Variants in RNF6 observed in about 807,000 individuals in gnomAD.
The protein encoded by RNF6 is ring finger protein 6.
In RNF6, 21 loss-of-function variants were observed where a neutral mutation model predicts 50.1. The ratio of observed to expected loss-of-function variants is 0.42; its 90% CI spans 0.30 to 0.60. RNF6 has a LOEUF of 0.60. RNF6 is among the 20% of genes least tolerant of loss of function. RNF6 has a pLI of 0.20. For missense variants in RNF6, 698 were observed against 838.2 expected (o/e 0.83, Z 2.07); for synonymous variants, 255 against 291.8 (o/e 0.87, Z 1.29).
intron 5 of RNF6, among the ~76,000 whole-genome samples, chr13:26,193,844 G>A (rs1451547786): frequency 6.6e-6 from 1 of 152,208 alleles, no homozygotes; most frequent in Non-Finnish European, 1.5e-5. Context: ...CAGACAATAT[G>A]TGAGAAAAGA....
In RNF6 at chr13:26,148,632, TTATATATATATATATATATATATATA is replaced by T. The variant is rs57373126; in HGVS notation, n.769-16207_769-16182del. 1.6e-3 allele frequency among the ~76,000 whole-genome samples: 73 copies of T among 47,068 alleles called. 1 individual carries two copies. Among genetic ancestry groups the T allele is most frequent in the Admixed American group, 8.5e-3 (33 of 3,876 alleles). The allele number at this position is 47,068 out of a possible 152,430, so 30.9% of individuals were successfully genotyped here. ...AATAGAAACAATAGTATAAATCTCT[TTATATATATATATATATATATATATA>T]TATATATATATATGAGGGAGATATA... is the stretch of plus-strand genomic sequence containing the variant. On this transcript the variant is annotated intron_variant and non_coding_transcript_variant, in intron 5 of 5. Coordinates refer to the RNF6 transcript ENST00000468480.
At chr13:26,177,679 G>C (rs560634545) in intron 5 of RNF6, among the ~76,000 whole-genome samples, 5 of 152,106 alleles carry the variant, frequency 3.3e-5, no homozygotes, top group Non-Finnish European at 1.5e-5. Flanking sequence ...AGAAACCTAA[G>C]TACCACCCTT....
intron 5 of RNF6, among the ~76,000 whole-genome samples, chr13:26,169,923 G>T (rs1402913417): frequency 1.3e-5 from 2 of 152,230 alleles, no homozygotes; most frequent in African/African-American, 4.8e-5. Flanking sequence ...TAATAGTTTT[G>T]TTTAAAAAGT....
intron 5 of RNF6, among the ~76,000 whole-genome samples, chr13:26,206,130 T>C (rs1869095454): frequency 6.6e-6 from 1 of 152,210 alleles, no homozygotes; most frequent in Admixed American, 6.5e-5. Flanking sequence ...ACAGTCAGAA[T>C]AGCCACAGCC....
chr13:26,192,819 G>A (rs1200669406), intron 5 of RNF6, among the ~76,000 whole-genome samples: 1 of 152,166 alleles, frequency 6.6e-6, no homozygotes, highest in Non-Finnish European at 1.5e-5. Flanking sequence ...CCCCAGCCTT[G>A]GCTGATATCT....
rs563424699 is a variant in RNF6 at position 26,201,084 on chromosome 13, TAAAA to T, written n.768+14386_768+14389del. Among the ~76,000 whole-genome samples the T allele has an allele frequency of 3.9e-3, 597 of 152,058 alleles. 11 individuals carry two copies. The highest frequency in any genetic ancestry group is 0.035 in the Admixed American group (531 of 15,280). On this transcript the variant is annotated intron_variant and non_coding_transcript_variant, in intron 5 of 5. Coordinates refer to the RNF6 transcript ENST00000468480. ...GATAATTAATAGCATGAATAGCAAA[TAAAA>T]AACACCATGACAAGTCAAGACTGCA...
chr13:26,186,638 C>T (rs1566426098), intron 5 of RNF6, among the ~76,000 whole-genome samples: 1 of 152,272 alleles, frequency 6.6e-6, no homozygotes, highest in Admixed American at 6.5e-5. Flanking sequence ...GTCTTCTCAG[C>T]TCTCACAGGG....
intron 5 of RNF6, among the ~76,000 whole-genome samples, chr13:26,181,366 G>A (rs1266245070): frequency 2.0e-5 from 3 of 152,218 alleles, no homozygotes; most frequent in Admixed American, 6.5e-5. Context: ...TCAGGCGTCT[G>A]TCTTGTCCTT....
intron 5 of RNF6, among the ~76,000 whole-genome samples, chr13:26,196,488 T>C (rs1396474508): frequency 6.6e-6 from 1 of 151,888 alleles, no homozygotes; most frequent in Non-Finnish European, 1.5e-5. Context: ...GAGTCTCTAC[T>C]AAAAATACAA....
At chr13:26,198,198 T>C (rs1281400513) in intron 5 of RNF6, among the ~76,000 whole-genome samples, 2 of 151,508 alleles carry the variant, frequency 1.3e-5, no homozygotes, top group Admixed American at 6.6e-5. Flanking sequence ...TTGGCCCATA[T>C]GATTGTGAAG....
In RNF6 at chr13:26,137,314, T is replaced by A. The variant is rs557403432; in HGVS notation, n.769-4863A>T. ...TAGATTAACTAAAGAGCTTTTTTTT[T>A]AAAGAAAATTAGAATGAGCAGCAAC... On this transcript the variant is annotated intron_variant and non_coding_transcript_variant, in intron 5 of 5. Coordinates refer to the RNF6 transcript ENST00000468480. 1.3e-4 allele frequency among the ~76,000 whole-genome samples: 20 copies of A among 151,630 alleles called. No homozygotes were observed. In the East Asian group the frequency reaches 1.4e-3, roughly 10 times the overall value.
chr13:26,143,496 A>G (rs969000002), intron 5 of RNF6, among the ~76,000 whole-genome samples: 1 of 151,440 alleles, frequency 6.6e-6, no homozygotes, highest in African/African-American at 2.4e-5. Context: ...CTAAGACCTC[A>G]GAGCATAAGG....
upstream of RNF6, chr13:26,222,510 C>G (rs3858760): frequency 6.6e-6 from 1 of 152,248 alleles, no homozygotes; most frequent in East Asian, 1.9e-4. Context: ...CGGTGTCGCT[C>G]GTTTGCCAGC....
intron 5 of RNF6, among the ~76,000 whole-genome samples, chr13:26,132,805 G>A (rs543897602): frequency 8.5e-5 from 13 of 152,296 alleles, no homozygotes; most frequent in African/African-American, 3.1e-4. Flanking sequence ...ACTTTGAGTA[G>A]CAAGGATTTA....
At chr13:26,174,374 G>T (rs1200108442) in intron 5 of RNF6, among the ~76,000 whole-genome samples, 1 of 152,040 alleles carries the variant, frequency 6.6e-6, no homozygotes, top group Non-Finnish European at 1.5e-5. Context: ...AAATAGGCTG[G>T]GCACGGTGGC....
chr13:26,173,167 G>A (rs549972430), intron 5 of RNF6, among the ~76,000 whole-genome samples: 3 of 152,330 alleles, frequency 2.0e-5, no homozygotes, highest in Non-Finnish European at 4.4e-5. Flanking sequence ...TGTAGAGAGA[G>A]CAAGTTTAGG....
intron 5 of RNF6, among the ~76,000 whole-genome samples, chr13:26,187,020 A>G (rs185279984): frequency 5.3e-5 from 8 of 151,376 alleles, no homozygotes; most frequent in East Asian, 2.0e-4. Flanking sequence ...TTCGTGATCC[A>G]CCCACCTCGG....
At chr13:26,217,412 C>T (rs1869998984) in intron 4 of RNF6, among the ~76,000 whole-genome samples, 1 of 152,170 alleles carries the variant, frequency 6.6e-6, no homozygotes, top group Non-Finnish European at 1.5e-5. Flanking sequence ...ACTCTTCTTC[C>T]ATTGTAAAAG....
chr13:26,148,632 T>TTATA (rs57373126), intron 5 of RNF6, among the ~76,000 whole-genome samples: 2,626 of 46,846 alleles, frequency 0.056, 156 homozygotes, highest in African/African-American at 0.087. Context: ...ATAAATCTCT[T>TTATA]TATATATATA....
Sources: allele counts gnomAD v4.1 joint callset (sites outside exome capture counted in the v4.1 genomes callset), GRCh38; gene constraint gnomAD v4.1.1; transcripts MANE v1.5; gene names NCBI Gene and HGNC (gene_info 2026-07-23, HGNC 2026-07-21).